Variants in DRAXIN observed in about 807,000 individuals in gnomAD.
DRAXIN encodes the protein dorsal inhibitory axon guidance protein.
Under a neutral mutation model 33.9 loss-of-function variants are expected in DRAXIN, and 27 were observed. The ratio of observed to expected loss-of-function variants is 0.80; its 90% CI spans 0.59 to 1.10. The LOEUF is 1.10. Ranked by LOEUF, DRAXIN falls within the 50% of genes least tolerant of loss-of-function variation. The pLI, the probability that DRAXIN is intolerant of heterozygous loss-of-function variation, is 0.00. For missense variants in DRAXIN, 371 were observed against 460.8 expected, an observed-to-expected ratio of 0.81 and a Z score of 1.78; for synonymous variants, 178 against 194.0, an observed-to-expected ratio of 0.92 and a Z score of 0.69.
intron 6 of DRAXIN, among the ~76,000 whole-genome samples, chr1:11,715,857 TG>T (rs1287131745): frequency 3.3e-5 from 5 of 151,988 alleles, no homozygotes; most frequent in African/African-American, 1.2e-4. Context: ...GCCAGGAAAG[TG>T]GGGGGAATAG....
rs1458402243 is a variant in DRAXIN, at chr1:11,696,801, TC to T, written c.-11+4949del. ...CCAGGAGGCAATGAGCCTCCTGGTTTCAGTGAGCCAAGATCGCGCCACTGCA... is the reference window on the plus strand; with the variant it reads ...CCAGGAGGCAATGAGCCTCCTGGTTTAGTGAGCCAAGATCGCGCCACTGCA... On this transcript the variant is annotated intron_variant, in intron 1 of 6. Transcript: ENST00000294485. This position sits in a 1 kb window ranked among gnomAD's most constrained non-coding sequence, Gnocchi z 4.7. 6.7e-6 allele frequency among the ~76,000 whole-genome samples: 1 copy of T among 149,482 alleles called. No homozygotes were observed. The highest frequency in any genetic ancestry group is 1.5e-5 in the Non-Finnish European group (1 of 67,280).
intron 2 of DRAXIN, 151 bp from the exon 3 acceptor site, chr1:11,709,124 A>C (rs1641434891): frequency 1.3e-6 from 1 of 753,022 alleles, no homozygotes; most frequent in Non-Finnish European, 2.0e-6. Context: ...CCTCCCAAGA[A>C]GGGTAGGAAG....
In DRAXIN at chr1:11,724,941, C is replaced by T. The variant is rs994812337; in HGVS notation, c.*5245C>T. On this transcript the variant is annotated 3_prime_UTR_variant, in exon 7 of 7. Coordinates refer to ENST00000294485, the MANE Select transcript of DRAXIN (RefSeq NM_198545.4). ...TCCTGGGAAGGGCAGTTTGCAGAAC[C>T]AGGGGTTTATATTGCAGGGAGTGTA... 1 of 152,158 alleles carries T rather than the reference C, an allele frequency of 6.6e-6. No homozygotes were observed. The highest frequency in any genetic ancestry group is 2.4e-5 in the African/African-American group (1 of 41,400). The allele number at this position is 152,158 out of a possible 1,614,324, so 9.4% of individuals were successfully genotyped here.
At chr1:11,702,315 C>A (rs940403433) in intron 1 of DRAXIN, among the ~76,000 whole-genome samples, 1 of 150,962 alleles carries the variant, frequency 6.6e-6, no homozygotes. Context: ...CACACACACA[C>A]GCTCACGCAC....
At chr1:11,698,019 T>C (rs1282500203) in intron 1 of DRAXIN, among the ~76,000 whole-genome samples, 1 of 151,924 alleles carries the variant, frequency 6.6e-6, no homozygotes, top group East Asian at 1.9e-4. Context: ...CTATGCCACC[T>C]GCACTGCCGG....
intron 5 of DRAXIN, among the ~76,000 whole-genome samples, chr1:11,714,868 C>T (rs1366264226): frequency 6.6e-6 from 1 of 152,254 alleles, no homozygotes; most frequent in East Asian, 1.9e-4. Flanking sequence ...CCTCACACCA[C>T]CTTCGCTCTT....
intron 6 of DRAXIN, among the ~76,000 whole-genome samples, chr1:11,715,697 C>T (rs1403652591): frequency 4.6e-5 from 7 of 152,128 alleles, no homozygotes; most frequent in Non-Finnish European, 1.0e-4. Flanking sequence ...TCCTCCGTGC[C>T]CCCACCTCGC....
chr1:11,711,217 G>A (rs1334779303), intron 3 of DRAXIN, among the ~76,000 whole-genome samples: 1 of 152,232 alleles, frequency 6.6e-6, no homozygotes, highest in South Asian at 2.1e-4. Context: ...TGTGATAAAA[G>A]CTGCAGACCA....
rs1005338772 is a variant in DRAXIN at position 11,722,402 on chromosome 1, T to G, written c.*2706T>G. ...GAACTGCCACTGGTTGCCAGGGTAG[T>G]TCCATGGTTGGAAATTCAAGGCCCG... On this transcript the variant is annotated 3_prime_UTR_variant, in exon 7 of 7. Coordinates refer to ENST00000294485, the MANE Select transcript of DRAXIN (RefSeq NM_198545.4). The G allele has an allele frequency of 6.6e-6, 1 of 152,212 alleles. No individual in the cohort carries two copies. The highest frequency in any genetic ancestry group is 2.4e-5 in the African/African-American group (1 of 41,442). The allele number at this position is 152,212 out of a possible 1,614,324, so 9.4% of individuals were successfully genotyped here.
chr1:11,711,001 A>G (rs1641487108), intron 3 of DRAXIN, among the ~76,000 whole-genome samples: 1 of 151,830 alleles, frequency 6.6e-6, no homozygotes, highest in South Asian at 2.1e-4. Context: ...CATAAAAAAG[A>G]AATAGGCCAG....
chr1:11,702,656 C>T (rs534694911), intron 1 of DRAXIN, among the ~76,000 whole-genome samples: 29 of 151,874 alleles, frequency 1.9e-4, no homozygotes, highest in African/African-American at 5.8e-4. Context: ...TCCACACACA[C>T]GTCATGCTCA....
chr1:11,689,025 C>T (rs1434084370), upstream of DRAXIN, among the ~76,000 whole-genome samples: 1 of 152,158 alleles, frequency 6.6e-6, no homozygotes, highest in Non-Finnish European at 1.5e-5. Context: ...GCCAGGCACA[C>T]TGGCTTACCC....
intron 3 of DRAXIN, among the ~76,000 whole-genome samples, chr1:11,710,058 G>A (rs1333065946): frequency 6.6e-5 from 10 of 152,036 alleles, no homozygotes; most frequent in African/African-American, 1.4e-4. Context: ...GGTGGCGCAC[G>A]CCTGTAGTCC....
At chr1:11,712,109 A>G (rs1328337042) in intron 4 of DRAXIN, 144 bp downstream of exon 4, 15 of 860,548 alleles carry the variant, frequency 1.7e-5, no homozygotes, top group Non-Finnish European at 2.4e-5. Context: ...ATGGAGCCTA[A>G]CCTGGAAACA....
chr1:11,709,913 G>A (rs1017543223), intron 3 of DRAXIN, among the ~76,000 whole-genome samples: 3 of 152,112 alleles, frequency 2.0e-5, no homozygotes, highest in Admixed American at 2.0e-4. Flanking sequence ...TGGGCTGGGC[G>A]CGGTGGCTCA....
intron 6 of DRAXIN, among the ~76,000 whole-genome samples, chr1:11,717,826 T>C (rs1366502492): frequency 3.8e-5 from 1 of 26,600 alleles, no homozygotes; most frequent in Non-Finnish European, 8.5e-5. Context: ...CTACCAAAAA[T>C]ACAAAAAAAA....
In DRAXIN at chr1:11,705,312, T is replaced by C. The variant is rs964104571; in HGVS notation, c.-10-937T>C. Among the ~76,000 whole-genome samples the C allele has an allele frequency of 1.3e-5, 2 of 152,038 alleles. No individual in the cohort carries two copies. The highest frequency in any genetic ancestry group is 2.9e-5 in the Non-Finnish European group (2 of 67,966). On this transcript the variant is annotated intron_variant, in intron 1 of 6. Coordinates refer to ENST00000294485, the MANE Select transcript of DRAXIN (RefSeq NM_198545.4). This position sits in a 1 kb window ranked among gnomAD's most constrained non-coding sequence, Gnocchi z 4.8. ...GGGTGGTGCACGGGGGCAGGAGGTC[T>C]CCAGAGTCTGACAGACGCCCCCACC...
intron 5 of DRAXIN, among the ~76,000 whole-genome samples, chr1:11,714,345 G>A (rs1008570874): frequency 1.1e-4 from 16 of 152,326 alleles, no homozygotes; most frequent in African/African-American, 3.4e-4. Context: ...GTACAGAGGT[G>A]GCCTGTTAGA....
Position 11,724,682 on chromosome 1 carries a change from G to T in DRAXIN, c.*4986G>T, listed in dbSNP as rs920648166. On this transcript the variant is annotated 3_prime_UTR_variant, in exon 7 of 7. Coordinates refer to ENST00000294485, the MANE Select transcript of DRAXIN (RefSeq NM_198545.4). The stretch of plus-strand genomic sequence containing the variant: ...CCGTGGGGCTCACTCTGCAGCTGGA[G>T]AGACAGCATACCTGAAACCTGCAAG... 3 of 152,330 alleles carry T rather than the reference G, an allele frequency of 2.0e-5. No individual in the cohort carries two copies. The highest frequency in any genetic ancestry group is 7.2e-5 in the African/African-American group (3 of 41,484). 9.4% of individuals were successfully genotyped at this position (152,330 alleles called of 1,614,324 possible). A position where few individuals can be genotyped will look rare whatever the true frequency, so the allele number is the denominator to read the frequency against.
Sources: gnomAD v4.1 joint callset for allele counts (sites outside exome capture counted in the v4.1 genomes callset) on GRCh38, gnomAD v4.1.1 for gene constraint, Gnocchi (gnomAD v3.1) non-coding constraint, MANE v1.5 for transcripts, NCBI Gene and HGNC (gene_info 2026-07-23, HGNC 2026-07-21) for gene names.